HGSNAT: variants seen among roughly 807,000 people sequenced by gnomAD.
HGSNAT encodes the protein heparan-alpha-glucosaminide N-acetyltransferase.
Under a neutral mutation model 85.2 loss-of-function variants are expected in HGSNAT, and 59 were observed. That is an observed-to-expected ratio of 0.69 (90% CI 0.56 to 0.86). The LOEUF is 0.86. Among genes scored for constraint, HGSNAT ranks in the 40% least tolerant of loss-of-function variants. The pLI is 0.00. For missense variants in HGSNAT, 756 were observed against 777.1 expected, an observed-to-expected ratio of 0.97 and a Z score of 0.32; for synonymous variants, 321 against 304.5, an observed-to-expected ratio of 1.05 and a Z score of -0.56.
intron 14 of HGSNAT, chr8:43,196,218 A>G (rs1307347156): frequency 3.0e-6 from 1 of 329,378 alleles, no homozygotes; most frequent in African/African-American, 2.2e-5. Flanking sequence ...TAATTCATGT[A>G]AAGTTCTAAG....
At chr8:43,190,886 T>C (rs776344962) in intron 11 of HGSNAT, among the ~76,000 whole-genome samples, 2 of 152,180 alleles carry the variant, frequency 1.3e-5, no homozygotes, top group Non-Finnish European at 2.9e-5. Flanking sequence ...CGAAGAACCC[T>C]GCACTAACCG....
intron 13 of HGSNAT, among the ~76,000 whole-genome samples, 193 bp from the exon 14 acceptor site, chr8:43,193,564 T>G (rs554164491): frequency 6.6e-6 from 1 of 152,170 alleles, no homozygotes; most frequent in South Asian, 2.1e-4. Context: ...CCCTGCTGAG[T>G]GTCCACACTG....
intron 17 of HGSNAT, 61 bp downstream of exon 17, chr8:43,198,013 C>T: frequency 1.7e-6 from 2 of 1,202,676 alleles, no homozygotes; most frequent in Non-Finnish European, 2.4e-6. Flanking sequence ...GCCCAGGGAC[C>T]TCTGGAGCAT....
chr8:43,188,721 G>T (rs182979941), intron 11 of HGSNAT, among the ~76,000 whole-genome samples: 23 of 152,334 alleles, frequency 1.5e-4, no homozygotes, highest in African/African-American at 5.5e-4. Context: ...GAGGAGAAGA[G>T]GCGCTCTGAT....
chr8:43,179,540 C>T (rs540431008), intron 10 of HGSNAT, among the ~76,000 whole-genome samples: 5 of 110,966 alleles, frequency 4.5e-5, no homozygotes, highest in African/African-American at 1.5e-4. Context: ...GCCGACCCCC[C>T]CCACCGCCTC....
Position 43,192,388 on chromosome 8 carries a change from G to A in HGSNAT, c.1335G>A (p.Leu445=). ...GAGCTGCAGGCTACATCGACCGCCT[G>A]CTGCTGGGAGACGATCACCTTTACC... is the stretch of plus-strand genomic sequence containing the variant. ...TGGAAGYIDR[L]LLGDDHLYQH... The change falls in exon 13 of 18, where the codon CTG becomes CTA. Residue 445 remains leucine (L), a synonymous_variant. Transcript: ENST00000379644. The A allele has an allele frequency of 1.2e-6, 2 of 1,613,362 alleles. No homozygotes were observed. The highest frequency in any genetic ancestry group is 1.7e-6 in the Non-Finnish European group (2 of 1,179,704).
chr8:43,148,288 G>A (rs779642927), intron 2 of HGSNAT, among the ~76,000 whole-genome samples: 2 of 151,626 alleles, frequency 1.3e-5, no homozygotes, highest in South Asian at 2.1e-4. Context: ...TGAGAGCTTC[G>A]TTATACCTAC....
intron 14 of HGSNAT, chr8:43,196,266 T>C: frequency 2.8e-6 from 1 of 354,324 alleles, no homozygotes; most frequent in East Asian, 7.5e-5. Context: ...TATTAGCTAT[T>C]ACTATAAATT....
intron 6 of HGSNAT, 132 bp downstream of exon 6, chr8:43,169,374 T>C: frequency 1.8e-6 from 1 of 542,688 alleles, no homozygotes; most frequent in Non-Finnish European, 3.2e-6. Flanking sequence ...CCCGTATTCC[T>C]AATAGAGAGC....
intron 5 of HGSNAT, among the ~76,000 whole-genome samples, chr8:43,164,971 C>T (rs1356146593): frequency 6.6e-6 from 1 of 151,786 alleles, no homozygotes; most frequent in Non-Finnish European, 1.5e-5. Flanking sequence ...CCTTATTGAC[C>T]TCCCAGGCAC....
intron 7 of HGSNAT, among the ~76,000 whole-genome samples, chr8:43,171,904 G>A (rs1803637837): frequency 6.6e-6 from 1 of 152,224 alleles, no homozygotes; most frequent in South Asian, 2.1e-4. Flanking sequence ...GCTAATGACA[G>A]AAAAGGATCT....
chr8:43,157,483 A>G (rs1401141166), intron 2 of HGSNAT, among the ~76,000 whole-genome samples: 1 of 61,912 alleles, frequency 1.6e-5, no homozygotes, highest in Non-Finnish European at 6.4e-5. Flanking sequence ...ATTGAAAAGA[A>G]TAAGAACCTT....
intron 5 of HGSNAT, among the ~76,000 whole-genome samples, chr8:43,162,246 C>G (rs182401882): frequency 1.6e-4 from 25 of 152,270 alleles, no homozygotes; most frequent in Admixed American, 7.9e-4. Context: ...GAATGAAAAC[C>G]TAACCTCTAA....
intron 10 of HGSNAT, among the ~76,000 whole-genome samples, chr8:43,179,757 G>A (rs1466067419): frequency 5.3e-4 from 11 of 20,934 alleles, no homozygotes; most frequent in South Asian, 1.7e-3. Context: ...GCCGGGCAGA[G>A]GGGCTCCTCA....
At chr8:43,159,974 G>C (rs768837771) in intron 4 of HGSNAT, among the ~76,000 whole-genome samples, 4 of 152,170 alleles carry the variant, frequency 2.6e-5, no homozygotes, top group Non-Finnish European at 4.4e-5. Flanking sequence ...CGCAGGAGCC[G>C]ATATGAAAGG....
In HGSNAT at chr8:43,159,061, T is replaced by C; in HGVS notation, c.493+17T>C. 6.2e-7 allele frequency: 1 copy of C among 1,602,608 alleles called. No individual in the cohort carries two copies. The highest frequency in any genetic ancestry group is 2.2e-5 in the East Asian group (1 of 44,630). On this transcript the variant is annotated intron_variant, in intron 4 of 17. Coordinates refer to ENST00000379644, the MANE Select transcript of HGSNAT (RefSeq NM_152419.3). ...GTAACCTTCGTACGTATATGTTCTC[T>C]GCTGATTTTCACATTTGCATTTTCA...
intron 2 of HGSNAT, among the ~76,000 whole-genome samples, chr8:43,150,891 GAA>G (rs1802895088): frequency 1.3e-5 from 2 of 151,002 alleles, no homozygotes; most frequent in South Asian, 2.1e-4. Flanking sequence ...TTTGGAAAGA[GAA>G]GAGCTATATA....
At chr8:43,162,333 T>C (rs1421154792) in intron 5 of HGSNAT, among the ~76,000 whole-genome samples, 1 of 152,122 alleles carries the variant, frequency 6.6e-6, no homozygotes, top group African/African-American at 2.4e-5. Context: ...ATCTTAGAAA[T>C]AGTATAATTC....
At chr8:43,178,569 CT>C (rs1172658624) in intron 10 of HGSNAT, among the ~76,000 whole-genome samples, 2 of 149,864 alleles carry the variant, frequency 1.3e-5, no homozygotes, top group African/African-American at 4.9e-5. Context: ...ACTTTGCCCC[CT>C]GCTAATGTGA....
Sources: gnomAD v4.1 joint callset for allele counts (sites outside exome capture counted in the v4.1 genomes callset) on GRCh38, gnomAD v4.1.1 for gene constraint, MANE v1.5 for transcripts, NCBI Gene and HGNC (gene_info 2026-07-23, HGNC 2026-07-21) for gene names.